The following MAK variants were observed in gnomAD, a reference collection of about 807,000 sequenced individuals.
MAK encodes the protein serine/threonine-protein kinase MAK.
A neutral mutation model predicts 82.6 loss-of-function variants in MAK; 65 were observed. The observed-to-expected ratio is 0.79, with a 90% CI of 0.64 to 0.97. The LOEUF (loss-of-function observed/expected upper bound fraction) is 0.97. Among genes scored for constraint, MAK ranks in the 50% least tolerant of loss-of-function variants. The pLI, the probability that MAK is intolerant of heterozygous loss-of-function variation, is 0.00. For missense variants in MAK, 703 were observed against 780.2 expected, an observed-to-expected ratio of 0.90 and a Z score of 1.18; for synonymous variants, 250 against 274.2, an observed-to-expected ratio of 0.91 and a Z score of 0.87.
At chr6:10,813,114 ATATATATATATATATATATAAATTTT>A (rs1777122210) in intron 5 of MAK, among the ~76,000 whole-genome samples, 2 of 6,108 alleles carry the variant, frequency 3.3e-4, no homozygotes, top group Non-Finnish European at 6.6e-4. Context: ...ATATATATAT[ATATATATATATATATATATAAATTTT>A]TTTTTTTTTT....
At chr6:10,821,476 A>C (rs148954294) in intron 2 of MAK, among the ~76,000 whole-genome samples, 9,047 of 151,086 alleles carry the variant, frequency 0.06, 839 homozygotes, top group African/African-American at 0.21. Flanking sequence ...CGGTTTTGCC[A>C]TGTTGGCCAG....
At chr6:10,801,383 T>C (rs1359701882) in intron 8 of MAK, among the ~76,000 whole-genome samples, 1 of 152,332 alleles carries the variant, frequency 6.6e-6, no homozygotes, top group African/African-American at 2.4e-5. Context: ...ATATGTCAGG[T>C]GTAGTCACAA....
chr6:10,765,330 A>C (rs1772307360), intron 14 of MAK, among the ~76,000 whole-genome samples: 1 of 152,154 alleles, frequency 6.6e-6, no homozygotes, highest in Non-Finnish European at 1.5e-5. Context: ...ACTACAGAAA[A>C]ATGTATTTGG....
chr6:10,801,797 C>G, intron 8 of MAK, 95 bp downstream of exon 8: 1 of 1,184,416 alleles, frequency 8.4e-7, no homozygotes, highest in Non-Finnish European at 1.3e-6. Flanking sequence ...TAGTAAAATC[C>G]TGGTTGAGAA....
At chr6:10,821,161 C>G (rs543030350) in intron 2 of MAK, among the ~76,000 whole-genome samples, 1 of 152,116 alleles carries the variant, frequency 6.6e-6, no homozygotes, top group Non-Finnish European at 1.5e-5. Flanking sequence ...GTTGCTCATG[C>G]TAGTCTCAAA....
At chr6:10,824,732 A>C (rs972232024) in intron 2 of MAK, among the ~76,000 whole-genome samples, 1 of 151,954 alleles carries the variant, frequency 6.6e-6, no homozygotes, top group Non-Finnish European at 1.5e-5. Flanking sequence ...TTTCTTAACA[A>C]CTCAGTAACT....
chr6:10,776,121 G>A lies in MAK; in HGVS notation c.1466-662C>T, dbSNP rs138869435. Among the ~76,000 whole-genome samples, 164 of 152,194 alleles carry A rather than the reference G, an allele frequency of 1.1e-3. No homozygotes were observed. Among genetic ancestry groups the A allele is most frequent in the Non-Finnish European group, 1.6e-3 (112 of 68,010 alleles). ...CATTTTCATGTCACTTGTTTTGAGCGTATATTCTTGGCCCAACCCTTGGTG... is the reference window on the plus strand; with the variant it reads ...CATTTTCATGTCACTTGTTTTGAGCATATATTCTTGGCCCAACCCTTGGTG... On this transcript the variant is annotated intron_variant, in intron 11 of 14. Coordinates refer to ENST00000354489, the MANE Select transcript of MAK (RefSeq NM_001242957.3). This position sits in a 1 kb window ranked among gnomAD's most constrained non-coding sequence, Gnocchi z 4.3.
chr6:10,788,689 T>C (rs1774808824), intron 10 of MAK, among the ~76,000 whole-genome samples: 1 of 151,852 alleles, frequency 6.6e-6, no homozygotes, highest in East Asian at 1.9e-4. Context: ...TGAGCCGAGA[T>C]CACATCACTG....
chr6:10,819,181 T>C (rs1040843887), intron 2 of MAK, among the ~76,000 whole-genome samples: 4 of 152,160 alleles, frequency 2.6e-5, no homozygotes, highest in African/African-American at 9.7e-5. Flanking sequence ...TCTGGGTGAG[T>C]TCTTAACATT....
intron 11 of MAK, among the ~76,000 whole-genome samples, chr6:10,782,391 A>G (rs1189593852): frequency 6.6e-6 from 1 of 152,160 alleles, no homozygotes; most frequent in Non-Finnish European, 1.5e-5. Context: ...AAATCAGCAC[A>G]GGACTGCAGT....
rs1447915652 is a variant in MAK, at chr6:10,817,966, CAG to C, written c.160_161del (p.Leu54GlufsTer4). The part of the protein sequence containing the change: ...ECMNLREVKS[L>X]KKLNHANVIK... ...TAACATTGGCATGATTAAGTTTCTT[CAG>C]AGACTGAAAAATAACAAATATGCCT... On this transcript the variant is annotated frameshift_variant, in exon 4 of 15. Transcript: ENST00000354489. LOFTEE classifies it high-confidence loss of function. 1 of 1,442,864 alleles carries C rather than the reference CAG, an allele frequency of 6.9e-7. No individual in the cohort carries two copies. 89.4% of individuals were successfully genotyped at this position (1,442,864 alleles called of 1,614,324 possible).
intron 5 of MAK, among the ~76,000 whole-genome samples, chr6:10,809,669 A>AT (rs1193455910): frequency 1.3e-5 from 2 of 152,230 alleles, no homozygotes; most frequent in Non-Finnish European, 2.9e-5. Flanking sequence ...ATTTAAAATT[A>AT]TTTTATCTAA....
intron 1 of MAK, among the ~76,000 whole-genome samples, chr6:10,832,691 G>T (rs915505743): frequency 6.6e-6 from 1 of 152,092 alleles, no homozygotes; most frequent in Non-Finnish European, 1.5e-5. Context: ...TAGAAACAGG[G>T]TTTCACCACG....
At chr6:10,766,721 G>A (rs1209931920) in intron 14 of MAK, among the ~76,000 whole-genome samples, 2 of 152,158 alleles carry the variant, frequency 1.3e-5, no homozygotes, top group African/African-American at 4.8e-5. Flanking sequence ...GAGGCAATAA[G>A]CCCCGCTTAT....
At chr6:10,798,807 TTTA>T (rs1390100193) in intron 8 of MAK, among the ~76,000 whole-genome samples, 1 of 102,090 alleles carries the variant, frequency 9.8e-6, no homozygotes, top group Non-Finnish European at 2.0e-5. Context: ...ACATTATTTA[TTTA>T]TTTATTTATT....
chr6:10,765,763 G>T (rs928305584), intron 14 of MAK, among the ~76,000 whole-genome samples: 21 of 152,092 alleles, frequency 1.4e-4, no homozygotes, highest in African/African-American at 5.1e-4. Context: ...TAGGATTACA[G>T]GTGTGAGCCA....
chr6:10,819,206 A>T (rs1337325314), intron 2 of MAK, among the ~76,000 whole-genome samples: 21 of 152,190 alleles, frequency 1.4e-4, no homozygotes, highest in Non-Finnish European at 4.4e-5. Context: ...TAATCAGTTT[A>T]ATTGTGCCTT....
At position 10,768,829 on chromosome 6, in the gene MAK, T is replaced by C. The variant is rs145249413; in HGVS notation, c.1792+1282A>G. ...CATTTTTAGCTCCAATAGTGTGAACTTTAAAGACTGGCACATCTAATCAGG... is the reference window on the plus strand; with the variant it reads ...CATTTTTAGCTCCAATAGTGTGAACCTTAAAGACTGGCACATCTAATCAGG... On this transcript the variant is annotated intron_variant, in intron 14 of 14. Transcript: ENST00000354489. Among the ~76,000 whole-genome samples, 659 of 152,328 alleles carry C rather than the reference T, an allele frequency of 4.3e-3. 5 individuals are homozygous for C. The highest frequency in any genetic ancestry group is 0.014 in the African/African-American group (577 of 41,578).
chr6:10,791,484 T>G (rs771529833), intron 10 of MAK, among the ~76,000 whole-genome samples, 191 bp downstream of exon 10: 17 of 151,992 alleles, frequency 1.1e-4, no homozygotes, highest in Non-Finnish European at 1.6e-4. Flanking sequence ...CCAGGCTAGT[T>G]TCAAACTCCT....
Sources: gnomAD v4.1 joint callset for allele counts (sites outside exome capture counted in the v4.1 genomes callset) on GRCh38, gnomAD v4.1.1 for gene constraint, Gnocchi (gnomAD v3.1) non-coding constraint, MANE v1.5 for transcripts, NCBI Gene and HGNC (gene_info 2026-07-23, HGNC 2026-07-21) for gene names.